Variants in RIDA observed in about 807,000 individuals in gnomAD.
RIDA encodes the protein 2-iminobutanoate/2-iminopropanoate deaminase.
RIDA carries 17 observed loss-of-function variants against 17.8 expected under a neutral mutation model. The ratio of observed to expected loss-of-function variants is 0.96; its 90% confidence interval spans 0.65 to 1.43. The LOEUF is 1.43. Among genes scored for constraint, RIDA ranks in the 40% most tolerant of loss-of-function variants. The pLI is 0.00. For missense variants in RIDA, 158 were observed against 161.7 expected, an observed-to-expected ratio of 0.98 and a Z score of 0.12; for synonymous variants, 48 against 55.7, an observed-to-expected ratio of 0.86 and a Z score of 0.62.
intron 1 of RIDA, among the ~76,000 whole-genome samples, chr8:98,115,945 C>G (rs1035169509): frequency 7.9e-5 from 12 of 152,044 alleles, no homozygotes; most frequent in Non-Finnish European, 1.8e-4. Context: ...GGCAAACAAA[C>G]AAACAAAAAA....
chr8:98,114,173 CG>C (rs1464912411), intron 1 of RIDA, among the ~76,000 whole-genome samples: 8 of 118,350 alleles, frequency 6.8e-5, no homozygotes, highest in African/African-American at 1.9e-4. Flanking sequence ...GGTGACACAG[CG>C]AAACACTGTC....
chr8:98,115,412 A>T (rs1216249101), intron 1 of RIDA, among the ~76,000 whole-genome samples: 1 of 94,560 alleles, frequency 1.1e-5, no homozygotes, highest in Non-Finnish European at 2.1e-5. Context: ...AAAAAAAAAA[A>T]AAAGGGATAG....
At chr8:98,109,612 T>C (rs1422475300) in intron 1 of RIDA, among the ~76,000 whole-genome samples, 1 of 152,180 alleles carries the variant, frequency 6.6e-6, no homozygotes, top group Non-Finnish European at 1.5e-5. Context: ...ACTCTTCTTT[T>C]AGAGACAGGA....
chr8:98,109,265 A>G (rs1815683962), intron 1 of RIDA, among the ~76,000 whole-genome samples: 1 of 152,126 alleles, frequency 6.6e-6, no homozygotes, highest in Non-Finnish European at 1.5e-5. Flanking sequence ...TTTGCAAAAC[A>G]TATACCTAAT....
chr8:98,116,561 T>A (rs143710378), intron 1 of RIDA, among the ~76,000 whole-genome samples: 19 of 150,848 alleles, frequency 1.3e-4, no homozygotes, highest in Non-Finnish European at 2.8e-4. Flanking sequence ...GAATGGGGAG[T>A]GAATGCTAAT....
rs769492200 is a variant in RIDA at position 98,108,726 on chromosome 8, T to C, written c.91A>G (p.Ile31Val). ...ATGCCTATCTGTCCTGAAATGTAAATGGTCCTGTCGACTAATACAGCTTGA... is the reference window on the plus strand; with the variant it reads ...ATGCCTATCTGTCCTGAAATGTAAACGGTCCTGTCGACTAATACAGCTTGA... ...YSQAVLVDRT[I>V]YISGQIGMDP... The change falls in exon 2 of 6, where the codon ATT becomes GTT. Residue 31 changes from isoleucine to valine, a missense_variant. By Grantham distance (29) the Ile-to-Val change is conservative. Transcript: ENST00000254878. The C allele has an allele frequency of 6.2e-7, 1 of 1,613,064 alleles. No homozygotes were observed. Among genetic ancestry groups the C allele is most frequent in the Admixed American group, 1.7e-5 (1 of 60,010 alleles).
intron 1 of RIDA, among the ~76,000 whole-genome samples, chr8:98,109,910 C>T (rs895820668): frequency 1.3e-5 from 2 of 152,202 alleles, no homozygotes; most frequent in African/African-American, 2.4e-5. Flanking sequence ...AGCCTCAACT[C>T]AGCAATTTCT....
At chr8:98,107,661 G>A (rs1353676608) in intron 2 of RIDA, among the ~76,000 whole-genome samples, 3 of 151,962 alleles carry the variant, frequency 2.0e-5, no homozygotes, top group Admixed American at 6.6e-5. Context: ...GCAGTGGCAC[G>A]ATCTTGGCTT....
At chr8:98,107,858 C>G (rs1198252263) in intron 2 of RIDA, among the ~76,000 whole-genome samples, 1 of 152,124 alleles carries the variant, frequency 6.6e-6, no homozygotes. Context: ...CAACCTCCGC[C>G]TTCCGGGTTC....
chr8:98,108,865 T>A, intron 1 of RIDA, 114 bp from the exon 2 acceptor site: 2 of 616,492 alleles, frequency 3.2e-6, no homozygotes, highest in Non-Finnish European at 5.7e-6. Flanking sequence ...AAAAAACAGA[T>A]ACATTGGACT....
chr8:98,115,099 TG>T (rs1347305099), intron 1 of RIDA, among the ~76,000 whole-genome samples: 1 of 152,070 alleles, frequency 6.6e-6, no homozygotes, highest in Non-Finnish European at 1.5e-5. Context: ...GAACAGTGCC[TG>T]GTGCTGGCCA....
At chr8:98,106,661 A>G (rs772285572) in intron 2 of RIDA, 1 of 198,336 alleles carries the variant, frequency 5.0e-6, no homozygotes, top group Non-Finnish European at 1.0e-5. Context: ...TGAGCTAGTA[A>G]GCATTAAAAC....
chr8:98,117,078 T>C lies in RIDA; in HGVS notation c.19A>G (p.Arg7Gly), dbSNP rs1815852353. 2.5e-6 allele frequency: 4 copies of C among 1,614,038 alleles called. No homozygotes were observed. The highest frequency in any genetic ancestry group is 2.7e-5 in the African/African-American group (2 of 74,944). ...GGGGCTTTCGCGGTGCTGATCACCCTTCTGATCAAGGACGACATGGCTAAG... is the reference window on the plus strand; with the variant it reads ...GGGGCTTTCGCGGTGCTGATCACCCCTCTGATCAAGGACGACATGGCTAAG... MSSLIR[R>G]VISTAKAPGA... Residue 7 changes from arginine (R) to glycine (G), a missense_variant, in exon 1 of 6, where the codon AGG (arginine) becomes GGG (glycine). By Grantham distance (125) the Arg-to-Gly change is moderately radical. Transcript: ENST00000254878.
intron 4 of RIDA, 37 bp downstream of exon 4, chr8:98,105,901 T>G: frequency 1.5e-6 from 2 of 1,336,606 alleles, no homozygotes; most frequent in Non-Finnish European, 2.1e-6. Flanking sequence ...TCTTTCTTTT[T>G]AAAAATGGAA....
intron 5 of RIDA, 39 bp from the exon 6 acceptor site, chr8:98,102,943 T>C (rs769603183): frequency 1.3e-6 from 2 of 1,495,946 alleles, no homozygotes; most frequent in East Asian, 2.3e-5. Context: ...AATCATTTTG[T>C]ACAAATTGCA....
At chr8:98,111,859 GA>G (rs1240985252) in intron 1 of RIDA, among the ~76,000 whole-genome samples, 1 of 151,936 alleles carries the variant, frequency 6.6e-6, no homozygotes, top group Non-Finnish European at 1.5e-5. Flanking sequence ...GAATTGCAGT[GA>G]AAAGTCTTTC....
rs1385466810 is a variant in RIDA, at chr8:98,117,143, C to G, written c.-47G>C. On this transcript the variant is annotated 5_prime_UTR_variant, in exon 1 of 6. Transcript: ENST00000254878. The stretch of plus-strand genomic sequence containing the variant: ...GCCCCTTCAGGAGAAGAAGCCCCAG[C>G]ACCAGCCCTGCTGGCTTCTTACTGG... 6.4e-7 allele frequency: 1 copy of G among 1,568,016 alleles called. No individual in the cohort carries two copies. The highest frequency in any genetic ancestry group is 8.8e-7 in the Non-Finnish European group (1 of 1,137,894).
rs762960340 is a variant in RIDA, at chr8:98,117,021, A to C, written c.65+11T>G. 6.2e-7 allele frequency: 1 copy of C among 1,611,844 alleles called. No homozygotes were observed. Among genetic ancestry groups the C allele is most frequent in the Non-Finnish European group, 8.5e-7 (1 of 1,178,136 alleles). ...CCCTGGGTCCGACACAGCTTCCACCAGCCACGTTACCTGTAGGGTCCAATG... is the reference window on the plus strand; with the variant it reads ...CCCTGGGTCCGACACAGCTTCCACCCGCCACGTTACCTGTAGGGTCCAATG... On this transcript the variant is annotated intron_variant, in intron 1 of 5. Coordinates refer to ENST00000254878, the MANE Select transcript of RIDA (RefSeq NM_005836.3).
chr8:98,110,828 T>TG (rs909898213), intron 1 of RIDA, among the ~76,000 whole-genome samples: 1 of 152,126 alleles, frequency 6.6e-6, no homozygotes, highest in Admixed American at 6.5e-5. Flanking sequence ...GACTGGACCA[T>TG]GGGGGCAGTT....
Sources: gnomAD v4.1 joint callset for allele counts (sites outside exome capture counted in the v4.1 genomes callset) on GRCh38, gnomAD v4.1.1 for gene constraint, MANE v1.5 for transcripts, NCBI Gene and HGNC (gene_info 2026-07-23, HGNC 2026-07-21) for gene names.